The following DGKB variants were observed in gnomAD, a reference collection of about 807,000 sequenced individuals.
DGKB encodes the protein 90 kDa diacylglycerol kinase.
A neutral mutation model predicts 114.3 loss-of-function variants in DGKB; 67 were observed. The ratio of observed to expected loss-of-function variants is 0.59; its 90% CI spans 0.48 to 0.72. DGKB has a LOEUF of 0.72. Among genes scored for constraint, DGKB ranks in the 30% least tolerant of loss-of-function variants. DGKB has a pLI of 0.00. For missense variants in DGKB, 907 were observed against 975.2 expected, an observed-to-expected ratio of 0.93 and a Z score of 0.93; for synonymous variants, 398 against 323.1, an observed-to-expected ratio of 1.23 and a Z score of -2.49.
intron 13 of DGKB, among the ~76,000 whole-genome samples, chr7:14,664,751 T>G (rs1817724802): frequency 6.6e-6 from 1 of 151,996 alleles, no homozygotes; most frequent in Non-Finnish European, 1.5e-5. Context: ...CCCCTGTAAG[T>G]GAGTATGTAT....
chr7:14,648,010 G>A (rs372580526), intron 13 of DGKB, among the ~76,000 whole-genome samples: 6 of 152,256 alleles, frequency 3.9e-5, no homozygotes, highest in African/African-American at 7.2e-5. Flanking sequence ...ACGGAGTCTC[G>A]CTGATTGCTA....
At chr7:14,492,619 A>G (rs1028580963) in intron 20 of DGKB, among the ~76,000 whole-genome samples, 28 of 152,026 alleles carry the variant, frequency 1.8e-4, no homozygotes, top group African/African-American at 6.5e-4. Flanking sequence ...TTTTCTGCAA[A>G]TCATGAACCC....
intron 21 of DGKB, among the ~76,000 whole-genome samples, chr7:14,442,724 T>C (rs947056660): frequency 2.0e-5 from 3 of 152,180 alleles, no homozygotes; most frequent in African/African-American, 7.2e-5. Context: ...TGATTCTTTC[T>C]TTTTTGGGAT....
intron 23 of DGKB, among the ~76,000 whole-genome samples, chr7:14,208,408 C>T (rs1396868262): frequency 6.6e-6 from 1 of 151,968 alleles, no homozygotes; most frequent in Non-Finnish European, 1.5e-5. Flanking sequence ...GAAGTATATT[C>T]TACTTAATCT....
At chr7:14,421,001 G>A (rs1161721059) in intron 21 of DGKB, among the ~76,000 whole-genome samples, 1 of 152,066 alleles carries the variant, frequency 6.6e-6, no homozygotes, top group African/African-American at 2.4e-5. Context: ...CCTCTGATTG[G>A]ACGTGGGCCA....
At position 14,669,199 on chromosome 7, in the gene DGKB, T is replaced by C. The variant is rs533104969; in HGVS notation, c.1134+3730A>G. Among the ~76,000 whole-genome samples, 3 of 152,292 alleles carry C rather than the reference T, an allele frequency of 2.0e-5. No individual in the cohort carries two copies. In the South Asian group the frequency reaches 6.2e-4, roughly 32 times the overall value. ...TTGTTGCCCCTCAACACTACACAGA[T>C]TGTTCCTTTTAAAATATAAGTCAGA... On this transcript the variant is annotated intron_variant, in intron 13 of 25. Transcript: ENST00000402815.
intron 20 of DGKB, among the ~76,000 whole-genome samples, chr7:14,527,355 G>A (rs1258571266): frequency 1.3e-5 from 2 of 151,960 alleles, no homozygotes; most frequent in Admixed American, 6.6e-5. Context: ...ATAAATATTT[G>A]AAAACTTATA....
intron 17 of DGKB, among the ~76,000 whole-genome samples, chr7:14,595,333 T>C (rs1401462509): frequency 1.3e-5 from 2 of 151,900 alleles, no homozygotes; most frequent in Non-Finnish European, 2.9e-5. Context: ...AGTTAGAGAA[T>C]AAAAACAGTG....
intron 5 of DGKB, among the ~76,000 whole-genome samples, chr7:14,721,012 C>A (rs138997590): frequency 6.6e-6 from 1 of 152,172 alleles, no homozygotes; most frequent in Non-Finnish European, 1.5e-5. Context: ...GAATTATGGT[C>A]GGATAAGCTA....
chr7:14,859,618 T>C lies in DGKB; in HGVS notation c.-187-18168A>G, dbSNP rs79589349. On this transcript the variant is annotated intron_variant, in intron 1 of 25. Transcript: ENST00000402815. ...AATACACATTTTCAGGGTTTTCGTT[T>C]TCCTTGTTGTTGGAATTCACAAATT... Among the ~76,000 whole-genome samples, 1,163 of 152,240 alleles carry C rather than the reference T, an allele frequency of 7.6e-3. 10 individuals are homozygous for C. The highest frequency in any genetic ancestry group is 0.027 in the African/African-American group (1,116 of 41,554).
intron 9 of DGKB, among the ~76,000 whole-genome samples, chr7:14,688,743 G>A (rs1224740365): frequency 6.6e-6 from 1 of 152,112 alleles, no homozygotes; most frequent in East Asian, 1.9e-4. Context: ...GCAAAGGGAT[G>A]TTTCAAAGGA....
chr7:14,612,240 T>C (rs901617001), intron 16 of DGKB, among the ~76,000 whole-genome samples: 1 of 149,820 alleles, frequency 6.7e-6, no homozygotes, highest in Admixed American at 6.7e-5. Flanking sequence ...AGTGGCACGA[T>C]CTTGGCTTAC....
At chr7:14,676,738 C>G (rs1350595890) in intron 12 of DGKB, among the ~76,000 whole-genome samples, 1 of 151,686 alleles carries the variant, frequency 6.6e-6, no homozygotes, top group Non-Finnish European at 1.5e-5. Context: ...AACCTATATC[C>G]CAAATCAGCA....
chr7:14,625,732 G>T (rs955768712), intron 14 of DGKB, among the ~76,000 whole-genome samples: 1 of 151,516 alleles, frequency 6.6e-6, no homozygotes. Context: ...TTGGAAAATT[G>T]TTGCTTTAAT....
intron 1 of DGKB, among the ~76,000 whole-genome samples, chr7:14,893,788 T>G (rs1477659504): frequency 6.6e-6 from 1 of 151,350 alleles, no homozygotes; most frequent in South Asian, 2.1e-4. Context: ...AATTCTAAAT[T>G]ATCTGTGATT....
At chr7:14,715,115 A>T (rs1191486742) in intron 6 of DGKB, among the ~76,000 whole-genome samples, 1 of 152,174 alleles carries the variant, frequency 6.6e-6, no homozygotes, top group East Asian at 1.9e-4. Flanking sequence ...TCACTGAGAC[A>T]GTGAATTCTC....
intron 23 of DGKB, among the ~76,000 whole-genome samples, chr7:14,279,017 G>A (rs922258601): frequency 3.9e-5 from 6 of 152,114 alleles, no homozygotes; most frequent in Non-Finnish European, 4.4e-5. Context: ...CAGGTCAGTG[G>A]GTGCACGCAC....
intron 23 of DGKB, among the ~76,000 whole-genome samples, chr7:14,193,071 T>C (rs1200817233): frequency 7.1e-6 from 1 of 140,352 alleles, no homozygotes; most frequent in Non-Finnish European, 1.6e-5. Flanking sequence ...AGCTTCACTC[T>C]CACCTGCTGC....
At chr7:14,706,454 C>T (rs1037999442) in intron 6 of DGKB, among the ~76,000 whole-genome samples, 5 of 150,668 alleles carry the variant, frequency 3.3e-5, no homozygotes, top group Non-Finnish European at 7.4e-5. Context: ...CTCAGCTCTG[C>T]ACCAAGAGGA....
Sources: gnomAD v4.1 joint callset for allele counts (sites outside exome capture counted in the v4.1 genomes callset) on GRCh38, gnomAD v4.1.1 for gene constraint, MANE v1.5 for transcripts, NCBI Gene and HGNC (gene_info 2026-07-23, HGNC 2026-07-21) for gene names.